Variants in SEMA6D observed in about 807,000 individuals in gnomAD.
SEMA6D encodes the protein semaphorin-6D.
A neutral mutation model predicts 106.6 loss-of-function variants in SEMA6D; 35 were observed. The observed-to-expected ratio is 0.33, with a 90% CI of 0.25 to 0.44. The LOEUF is 0.44. Among genes scored for constraint, SEMA6D ranks in the 20% least tolerant of loss-of-function variants. The probability of loss-of-function intolerance (pLI) is 1.00; values close to 1 mark genes in which losing one functional copy is unlikely to be tolerated. For synonymous variants in SEMA6D, 499 were observed against 487.7 expected (o/e 1.02, Z -0.31); for missense variants, 1,185 against 1,345.9 (o/e 0.88, Z 1.87).
At chr15:47,208,378 T>G (rs1372897106) in intron 1 of SEMA6D, among the ~76,000 whole-genome samples, 1 of 152,168 alleles carries the variant, frequency 6.6e-6, no homozygotes, top group Non-Finnish European at 1.5e-5. Context: ...TCTTCTCTAT[T>G]TAGTCCTCTA....
At chr15:47,384,847 T>G (rs952685998) in intron 1 of SEMA6D, among the ~76,000 whole-genome samples, 12 of 68,732 alleles carry the variant, frequency 1.7e-4, no homozygotes, top group Non-Finnish European at 2.6e-4. Context: ...TTTTTTTTTG[T>G]AAGAAAAAGA....
At chr15:47,313,874 C>A (rs746708718) in intron 1 of SEMA6D, among the ~76,000 whole-genome samples, 1 of 152,108 alleles carries the variant, frequency 6.6e-6, no homozygotes, top group African/African-American at 2.4e-5. Context: ...CAAATTCTGG[C>A]GTTTATGAAT....
intron 4 of SEMA6D, among the ~76,000 whole-genome samples, chr15:47,649,756 T>C (rs145849853): frequency 6.6e-6 from 1 of 152,328 alleles, no homozygotes; most frequent in African/African-American, 2.4e-5. Context: ...AGATGGCGGT[T>C]CAATTTCATA....
At chr15:47,260,968 G>A (rs967219265) in intron 1 of SEMA6D, among the ~76,000 whole-genome samples, 2 of 152,094 alleles carry the variant, frequency 1.3e-5, no homozygotes, top group Admixed American at 1.3e-4. Flanking sequence ...CTAAGGTACC[G>A]TATTGCTTTG....
At chr15:47,455,177 C>A (rs2042310845) in intron 2 of SEMA6D, among the ~76,000 whole-genome samples, 1 of 151,486 alleles carries the variant, frequency 6.6e-6, no homozygotes, top group South Asian at 2.1e-4. Context: ...GATTAGGAGA[C>A]CATAATTGGA....
At chr15:47,238,937 T>C (rs1013678641) in intron 1 of SEMA6D, among the ~76,000 whole-genome samples, 3 of 152,102 alleles carry the variant, frequency 2.0e-5, no homozygotes, top group Non-Finnish European at 4.4e-5. Flanking sequence ...GAGAAAATGA[T>C]CACATTCTTC....
chr15:47,665,874 A>G (rs1377176081), intron 4 of SEMA6D, among the ~76,000 whole-genome samples: 2 of 152,234 alleles, frequency 1.3e-5, no homozygotes, highest in Non-Finnish European at 2.9e-5. Flanking sequence ...TCAGCATTAG[A>G]TCACCAATAA....
chr15:47,231,036 A>G (rs1048831339), intron 1 of SEMA6D, among the ~76,000 whole-genome samples: 8 of 151,430 alleles, frequency 5.3e-5, no homozygotes, highest in African/African-American at 1.9e-4. Context: ...TTGTTTCTTC[A>G]CTTTTACCAA....
chr15:47,542,534 T>C (rs2045387618), intron 3 of SEMA6D, among the ~76,000 whole-genome samples: 1 of 152,180 alleles, frequency 6.6e-6, no homozygotes, highest in African/African-American at 2.4e-5. Flanking sequence ...TAATACACTA[T>C]TGAGCAAGAG....
intron 1 of SEMA6D, among the ~76,000 whole-genome samples, chr15:47,265,170 A>G (rs954501187): frequency 2.0e-5 from 3 of 151,960 alleles, no homozygotes; most frequent in Non-Finnish European, 4.4e-5. Context: ...TTTTTGGAAG[A>G]TTTTGTAAAT....
chr15:47,355,402 A>G (rs777358000), intron 1 of SEMA6D, among the ~76,000 whole-genome samples: 2 of 152,218 alleles, frequency 1.3e-5, no homozygotes, highest in African/African-American at 2.4e-5. Flanking sequence ...TGTTTTATTT[A>G]TAATGATGGT....
At chr15:47,293,279 C>G (rs1378399538) in intron 1 of SEMA6D, among the ~76,000 whole-genome samples, 1 of 152,106 alleles carries the variant, frequency 6.6e-6, no homozygotes, top group African/African-American at 2.4e-5. Context: ...GCATCCTGCT[C>G]CAGTGTAGCT....
intron 4 of SEMA6D, among the ~76,000 whole-genome samples, chr15:47,622,214 A>C (rs2077117322): frequency 6.6e-6 from 1 of 152,056 alleles, no homozygotes; most frequent in South Asian, 2.1e-4. Flanking sequence ...AAAAAAAAAA[A>C]AAAAAGAAAT....
rs187493655 is a variant in SEMA6D, at chr15:47,494,056, C to A, written c.-87+23511C>A. On this transcript the variant is annotated intron_variant, in intron 3 of 19. Coordinates refer to the SEMA6D transcript ENST00000558014. ...CATTTTCTTCAAAGTCGGTTCCATT[C>A]CAAAAAGCAAAGAAGCTTCCCACTT... Among the ~76,000 whole-genome samples the A allele has an allele frequency of 3.8e-3, 576 of 152,178 alleles. 4 individuals carry two copies. The highest frequency in any genetic ancestry group is 4.9e-3 in the Non-Finnish European group (333 of 67,970).
intron 1 of SEMA6D, among the ~76,000 whole-genome samples, chr15:47,726,619 C>A (rs903237545): frequency 6.6e-6 from 1 of 152,146 alleles, no homozygotes; most frequent in African/African-American, 2.4e-5. Flanking sequence ...AATTACTTCA[C>A]CTCTTTGAGA....
At chr15:47,696,999 C>G (rs1385065584) in intron 4 of SEMA6D, among the ~76,000 whole-genome samples, 1 of 152,056 alleles carries the variant, frequency 6.6e-6, no homozygotes, top group East Asian at 1.9e-4. Flanking sequence ...TAAGTCCTAC[C>G]TAGGCCTCTA....
intron 1 of SEMA6D, among the ~76,000 whole-genome samples, chr15:47,209,529 A>AGATT (rs1342990804): frequency 6.6e-6 from 1 of 152,234 alleles, no homozygotes; most frequent in Non-Finnish European, 1.5e-5. Context: ...CAAAAATGGC[A>AGATT]GATTGAAAAA....
intron 1 of SEMA6D, among the ~76,000 whole-genome samples, chr15:47,391,587 A>G (rs1396898830): frequency 1.3e-5 from 2 of 152,158 alleles, no homozygotes; most frequent in Non-Finnish European, 2.9e-5. Flanking sequence ...GGAATGACCT[A>G]TCAACACTAA....
intron 1 of SEMA6D, among the ~76,000 whole-genome samples, chr15:47,254,994 T>C (rs185647223): frequency 2.0e-5 from 3 of 152,034 alleles, no homozygotes; most frequent in Admixed American, 6.6e-5. Flanking sequence ...TTGATCTCTT[T>C]GGAAAAGCTT....
Sources: allele counts gnomAD v4.1 joint callset (sites outside exome capture counted in the v4.1 genomes callset), GRCh38; gene constraint gnomAD v4.1.1; transcripts MANE v1.5; gene names NCBI Gene and HGNC (gene_info 2026-07-23, HGNC 2026-07-21).